The following AARS1 variants were observed in gnomAD, a reference collection of about 807,000 sequenced individuals.
AARS1 encodes the protein alanyl-tRNA synthetase 1.
Under a neutral mutation model 108.9 loss-of-function variants are expected in AARS1, and 72 were observed. That is an observed-to-expected ratio of 0.66 (90% CI 0.55 to 0.80). The LOEUF is 0.80. Ranked by LOEUF, AARS1 falls within the 30% of genes least tolerant of loss-of-function variation. The pLI, the probability that AARS1 is intolerant of heterozygous loss-of-function variation, is 0.00. For synonymous variants in AARS1, 489 were observed against 465.7 expected (o/e 1.05, Z -0.64); for missense variants, 1,193 against 1,233.2 (o/e 0.97, Z 0.49).
Position 70,271,792 on chromosome 16 carries a change from G to A in AARS1, c.660C>T (p.Ile220=). 1 of 1,613,820 alleles carries A rather than the reference G, an allele frequency of 6.2e-7. No individual in the cohort carries two copies. Among genetic ancestry groups the A allele is most frequent in the East Asian group, 2.2e-5 (1 of 44,870 alleles). ...GAACCCAAGGCTACCTGTTATACTG[G>A]ATGAACACAAGGTTCCAGATCTCCA... is the stretch of plus-strand genomic sequence containing the variant. ...NVLEIWNLVF[I]QYNREADGIL... The change falls in exon 5 of 21, where the codon ATC becomes ATT. Residue 220 remains isoleucine, a synonymous_variant. Coordinates refer to ENST00000261772, the MANE Select transcript of AARS1 (RefSeq NM_001605.3).
intron 1 of AARS1, among the ~76,000 whole-genome samples, chr16:70,287,692 A>C (rs971104519): frequency 1.3e-5 from 2 of 152,058 alleles, no homozygotes; most frequent in African/African-American, 4.8e-5. Flanking sequence ...GCAGTGAGCT[A>C]TGGTCACACC....
intron 1 of AARS1, among the ~76,000 whole-genome samples, chr16:70,288,641 A>C (rs1337419896): frequency 7.1e-6 from 1 of 140,904 alleles, no homozygotes; most frequent in Non-Finnish European, 1.5e-5. Context: ...ATCTCAGCTC[A>C]CTGCAACCTC....
In AARS1 at chr16:70,270,303, T is replaced by C. The variant is rs2152162176; in HGVS notation, c.709A>G (p.Ser237Gly). 1 of 1,614,162 alleles carries C rather than the reference T, an allele frequency of 6.2e-7. No individual in the cohort carries two copies. The change falls in exon 6 of 21, where the codon AGC (serine) becomes GGC (glycine). Residue 237 changes from serine to glycine, a missense_variant. Physicochemically the swap from Ser to Gly is moderately conservative, Grantham distance 56. Coordinates refer to ENST00000261772, the MANE Select transcript of AARS1 (RefSeq NM_001605.3). Reference sequence around the variant, plus strand: ...TCCAGGCCCATCCCTGTGTCAATGCTTTTCTTGGGAAGAGGTTTCAGAATG... The same window carrying C: ...TCCAGGCCCATCCCTGTGTCAATGCCTTTCTTGGGAAGAGGTTTCAGAATG... ...DGILKPLPKK[S>G]IDTGMGLERL...
At chr16:70,287,180 G>A (rs1175806545) in intron 1 of AARS1, among the ~76,000 whole-genome samples, 1 of 148,642 alleles carries the variant, frequency 6.7e-6, no homozygotes, top group African/African-American at 2.5e-5. Context: ...GCGTGAACCC[G>A]GGAGGCGGAG....
intron 6 of AARS1, 102 bp downstream of exon 6, chr16:70,270,094 T>C (rs1215885629): frequency 3.5e-6 from 5 of 1,438,286 alleles, no homozygotes; most frequent in Non-Finnish European, 4.9e-6. Flanking sequence ...TGGGTACCCT[T>C]GGCTGGCAAA....
chr16:70,261,861 G>C (rs2152156261), intron 12 of AARS1, among the ~76,000 whole-genome samples: 1 of 151,924 alleles, frequency 6.6e-6, no homozygotes, highest in East Asian at 2.0e-4. Context: ...TAGAGACAGG[G>C]TTTCACCATG....
chr16:70,286,325 C>T (rs1460442125), intron 1 of AARS1, among the ~76,000 whole-genome samples: 1 of 151,650 alleles, frequency 6.6e-6, no homozygotes, highest in Non-Finnish European at 1.5e-5. Context: ...GTCTTGGGTG[C>T]CTTAAATCAC....
chr16:70,265,237 G>A (rs1960234933), intron 10 of AARS1, 135 bp from the exon 11 acceptor site: 1 of 1,183,346 alleles, frequency 8.5e-7, no homozygotes, highest in African/African-American at 1.5e-5. Context: ...ACTGACATTT[G>A]GGGCCAGATC....
chr16:70,255,660 T>C lies in AARS1; in HGVS notation c.2286+68A>G. 4.3e-6 allele frequency: 6 copies of C among 1,408,010 alleles called. No homozygotes were observed. In the South Asian group the frequency reaches 5.8e-5, roughly 14 times the overall value. 87.2% of individuals were successfully genotyped at this position (1,408,010 alleles called of 1,614,324 possible). A position where few individuals can be genotyped will look rare whatever the true frequency, so the allele number is the denominator to read the frequency against. The stretch of plus-strand genomic sequence containing the variant: ...CAGCCACGCAGAGCAGTGTTTGCTC[T>C]ATGGATTCGCAGACTGGGCTCCTCT... On this transcript the variant is annotated intron_variant, in intron 16 of 20. Coordinates refer to ENST00000261772, the MANE Select transcript of AARS1 (RefSeq NM_001605.3).
Position 70,252,700 on chromosome 16 carries a change from G to C in AARS1, c.*21C>G, listed in dbSNP as rs1211402398. 1 of 1,613,180 alleles carries C rather than the reference G, an allele frequency of 6.2e-7. No homozygotes were observed. Among genetic ancestry groups the C allele is most frequent in the Non-Finnish European group, 8.5e-7 (1 of 1,179,718 alleles). ...TCTTGGCTGGACGGATGGATCCAGT[G>C]GGAGCCTCCTCCTTCCCCACTCAGT... On this transcript the variant is annotated 3_prime_UTR_variant, in exon 21 of 21. Transcript: ENST00000261772.
chr16:70,262,734 C>T (rs1207628391), intron 11 of AARS1, among the ~76,000 whole-genome samples: 4 of 151,896 alleles, frequency 2.6e-5, no homozygotes, highest in Non-Finnish European at 4.4e-5. Flanking sequence ...TTTGGGAGGT[C>T]GAGGCAGGCG....
intron 4 of AARS1, among the ~76,000 whole-genome samples, chr16:70,273,194 T>C (rs1960452104): frequency 6.6e-6 from 1 of 151,936 alleles, no homozygotes; most frequent in African/African-American, 2.4e-5. Flanking sequence ...TTTCCAAGTA[T>C]AGTAAAAAGC....
chr16:70,255,161 T>C (rs1959950483), intron 16 of AARS1, among the ~76,000 whole-genome samples: 1 of 149,308 alleles, frequency 6.7e-6, no homozygotes, highest in South Asian at 2.1e-4. Context: ...CTCCTCCACA[T>C]GGAGACAGGA....
At chr16:70,258,959 T>C (rs1168913308) in intron 14 of AARS1, 21 bp downstream of exon 14, 2 of 1,611,288 alleles carry the variant, frequency 1.2e-6, no homozygotes, top group African/African-American at 2.7e-5. Context: ...AGGGGGGGCA[T>C]TCAGCCGTCG....
At chr16:70,266,835 T>G (rs1960275177) in intron 9 of AARS1, among the ~76,000 whole-genome samples, 3 of 151,042 alleles carry the variant, frequency 2.0e-5, no homozygotes, top group South Asian at 4.2e-4. Flanking sequence ...CACATCTATT[T>G]CTTTTTCTTT....
At chr16:70,262,737 G>A (rs1960164505) in intron 11 of AARS1, among the ~76,000 whole-genome samples, 1 of 151,752 alleles carries the variant, frequency 6.6e-6, no homozygotes, top group African/African-American at 2.4e-5. Flanking sequence ...GGGAGGTCGA[G>A]GCAGGCGGAT....
chr16:70,254,718 T>C lies in AARS1; in HGVS notation c.2303A>G (p.Glu768Gly). ...AEAQKALRKA[E>G]SLKKCLSVME... ...GACAGAGAGACATTTCTTCAAGCTCTCTGCTTTCCTGAGGGCCTGGGAGGG... is the reference window on the plus strand; with the variant it reads ...GACAGAGAGACATTTCTTCAAGCTCCCTGCTTTCCTGAGGGCCTGGGAGGG... The change falls in exon 17 of 21, where the codon GAG (glutamate) becomes GGG (glycine). Residue 768 changes from glutamate (E) to glycine (G), a missense_variant. Physicochemically the swap from Glu to Gly is moderately conservative, Grantham distance 98. Coordinates refer to ENST00000261772, the MANE Select transcript of AARS1 (RefSeq NM_001605.3). The C allele has an allele frequency of 6.2e-7, 1 of 1,613,580 alleles. No homozygotes were observed. The highest frequency in any genetic ancestry group is 8.5e-7 in the Non-Finnish European group (1 of 1,179,552).
intron 11 of AARS1, among the ~76,000 whole-genome samples, chr16:70,263,732 G>A (rs1960199667): frequency 6.6e-6 from 1 of 151,918 alleles, no homozygotes; most frequent in African/African-American, 2.4e-5. Context: ...AATCTCCCAG[G>A]CTCAAGTGAT....
At chr16:70,266,095 G>C (rs544703622) in intron 9 of AARS1, among the ~76,000 whole-genome samples, 27 of 151,508 alleles carry the variant, frequency 1.8e-4, no homozygotes, top group Admixed American at 2.6e-4. Flanking sequence ...GGGCGGATCA[G>C]GAGGTCAGGA....
Sources: allele counts gnomAD v4.1 joint callset (sites outside exome capture counted in the v4.1 genomes callset), GRCh38; gene constraint gnomAD v4.1.1; transcripts MANE v1.5; gene names NCBI Gene and HGNC (gene_info 2026-07-23, HGNC 2026-07-21).